Variants in KHDC1 observed in about 807,000 individuals in gnomAD.
The protein encoded by KHDC1 is KH domain containing 1.
KHDC1 carries 21 observed loss-of-function variants against 24.7 expected under a neutral mutation model. That is an observed-to-expected ratio of 0.85 (90% CI 0.60 to 1.23). The LOEUF (loss-of-function observed/expected upper bound fraction) is 1.23. Among genes scored for constraint, KHDC1 ranks in the 50% most tolerant of loss-of-function variants. KHDC1 has a pLI of 0.00. For synonymous variants in KHDC1, 98 were observed against 111.7 expected (o/e 0.88, Z 0.77); for missense variants, 274 against 298.5 (o/e 0.92, Z 0.61).
intron 2 of KHDC1, among the ~76,000 whole-genome samples, chr6:73,263,946 C>T (rs1767033822): frequency 6.6e-6 from 1 of 152,178 alleles, no homozygotes; most frequent in South Asian, 2.1e-4. Flanking sequence ...CACCTGTAAT[C>T]CCAACACTTT....
rs9446883 is a variant in KHDC1 at position 73,286,820 on chromosome 6, T to G, written c.206+5178A>C. Among the ~76,000 whole-genome samples the G allele has an allele frequency of 5.5e-3, 830 of 151,882 alleles. 12 individuals carry two copies. The highest frequency in any genetic ancestry group is 0.019 in the African/African-American group (772 of 41,374). On this transcript the variant is annotated intron_variant, in intron 2 of 4. Transcript: ENST00000370384. ...ATCACTTGAACCTGAGAGGCAGAGA[T>G]TGCAGTGAGCTGAGTTCATGCCACT...
At chr6:73,246,691 C>T (rs961932245) in intron 2 of KHDC1, among the ~76,000 whole-genome samples, 1 of 152,160 alleles carries the variant, frequency 6.6e-6, no homozygotes. Flanking sequence ...AAGTACACAT[C>T]ATTTTATTAC....
chr6:73,250,982 G>C (rs1163926348), intron 2 of KHDC1, among the ~76,000 whole-genome samples: 2 of 152,048 alleles, frequency 1.3e-5, no homozygotes, highest in Non-Finnish European at 2.9e-5. Flanking sequence ...TGGGATTACA[G>C]GTATGCTAAT....
intron 2 of KHDC1, 27 bp from the exon 2 acceptor site, chr6:73,242,557 G>A (rs1562243678): frequency 6.2e-7 from 1 of 1,613,748 alleles, no homozygotes; most frequent in Admixed American, 1.7e-5. Context: ...CCAAGTCCAA[G>A]CAACTGGTTG....
intron 1 of KHDC1, chr6:73,292,854 A>G (rs1377279920): frequency 1.4e-6 from 1 of 716,308 alleles, no homozygotes; most frequent in African/African-American, 1.7e-5. Context: ...ATTAACTTTG[A>G]CTTAGATGGG....
chr6:73,269,867 C>G (rs1456766296), intron 2 of KHDC1: 1 of 152,048 alleles, frequency 6.6e-6, no homozygotes, highest in Non-Finnish European at 1.5e-5. Flanking sequence ...TCCTGGACTC[C>G]AGTTATCTTC....
At chr6:73,253,818 G>A (rs2150559413) in intron 2 of KHDC1, among the ~76,000 whole-genome samples, 1 of 152,194 alleles carries the variant, frequency 6.6e-6, no homozygotes, top group Non-Finnish European at 1.5e-5. Flanking sequence ...GAGGTGGGAA[G>A]ATAACTGGAG....
intron 2 of KHDC1, chr6:73,290,374 G>C (rs1223465760): frequency 1.7e-5 from 5 of 289,854 alleles, no homozygotes; most frequent in African/African-American, 4.4e-5. Flanking sequence ...GTAACTTAAA[G>C]GGAAACTTTC....
intron 1 of KHDC1, among the ~76,000 whole-genome samples, chr6:73,301,905 A>G (rs956322436): frequency 6.6e-5 from 10 of 152,156 alleles, no homozygotes; most frequent in Admixed American, 5.9e-4. Flanking sequence ...CTGGCACTAC[A>G]GGCATCAGCC....
At chr6:73,248,227 C>T (rs935849610) in intron 2 of KHDC1, among the ~76,000 whole-genome samples, 9 of 152,138 alleles carry the variant, frequency 5.9e-5, no homozygotes, top group African/African-American at 2.2e-4. Flanking sequence ...AAATATGAGA[C>T]CACATGTGCA....
chr6:73,293,777 C>T (rs766076582), intron 1 of KHDC1, among the ~76,000 whole-genome samples: 23 of 90,198 alleles, frequency 2.5e-4, no homozygotes, highest in Non-Finnish European at 1.3e-4. Context: ...GGCCAAGGTA[C>T]GGGTGGATCA....
intron 2 of KHDC1, among the ~76,000 whole-genome samples, chr6:73,246,970 C>T (rs1766679661): frequency 6.6e-6 from 1 of 151,220 alleles, no homozygotes; most frequent in African/African-American, 2.4e-5. Context: ...AAAAATAAGT[C>T]AACTTTTTTT....
At chr6:73,241,509 C>A in exon 5 of KHDC1, 1 of 1,610,394 alleles carries the variant, frequency 6.2e-7, no homozygotes, top group Non-Finnish European at 8.5e-7. Flanking sequence ...CCCCACTTCC[C>A]AGGGGAGATC....
chr6:73,293,300 A>T (rs10943089), intron 1 of KHDC1: 67,870 of 521,472 alleles, frequency 0.13, 5,064 homozygotes, highest in African/African-American at 0.27. Context: ...AAAAGATTTT[A>T]AAAAAACTCT....
chr6:73,291,974 G>A lies in KHDC1; in HGVS notation c.206+24C>T, dbSNP rs768806679. On this transcript the variant is annotated intron_variant, in intron 2 of 4. Transcript: ENST00000370384. Reference sequence around the variant, plus strand: ...TTTTTTTGGTAAGATGGCGGGGTACGACTTAACTACTCGCATCACGCACCT... The same window carrying A: ...TTTTTTTGGTAAGATGGCGGGGTACAACTTAACTACTCGCATCACGCACCT... 9.9e-6 allele frequency: 16 copies of A among 1,613,166 alleles called. No individual in the cohort carries two copies. In the African/African-American group the frequency reaches 1.6e-4, roughly 16 times the overall value.
intron 2 of KHDC1, among the ~76,000 whole-genome samples, chr6:73,258,302 G>T (rs1022124148): frequency 6.6e-6 from 1 of 152,122 alleles, no homozygotes; most frequent in Non-Finnish European, 1.5e-5. Flanking sequence ...AGCAAGCCAG[G>T]TGTGGTGGCA....
At chr6:73,274,766 A>C (rs1767248916) in intron 2 of KHDC1, 1 of 151,686 alleles carries the variant, frequency 6.6e-6, no homozygotes, top group Non-Finnish European at 1.5e-5. Flanking sequence ...AGACTAATAC[A>C]GTGCCTTTGA....
At chr6:73,255,442 C>T (rs1305228122) in intron 2 of KHDC1, among the ~76,000 whole-genome samples, 1 of 147,732 alleles carries the variant, frequency 6.8e-6, no homozygotes, top group Admixed American at 6.7e-5. Context: ...TGGTCTTGAA[C>T]TCCTGACCTC....
At chr6:73,241,367 T>C in exon 5 of KHDC1, 1 of 639,372 alleles carries the variant, frequency 1.6e-6, no homozygotes, top group Non-Finnish European at 2.8e-6. Context: ...AACACTTTCT[T>C]ACATTCAAGA....
Sources: allele counts gnomAD v4.1 joint callset (sites outside exome capture counted in the v4.1 genomes callset), GRCh38; gene constraint gnomAD v4.1.1; transcripts MANE v1.5; gene names NCBI Gene and HGNC (gene_info 2026-07-23, HGNC 2026-07-21).